The following SNTA1 variants were observed in gnomAD, a reference collection of about 807,000 sequenced individuals.
The protein encoded by SNTA1 is syntrophin alpha 1.
Under a neutral mutation model 47.1 loss-of-function variants are expected in SNTA1, and 31 were observed. The observed-to-expected ratio is 0.66, with a 90% CI of 0.49 to 0.89. The LOEUF (loss-of-function observed/expected upper bound fraction) is 0.89, where lower values mean the gene tolerates loss of function less well. SNTA1 is among the 40% of genes least tolerant of loss of function. SNTA1 has a pLI of 0.00. For missense variants in SNTA1, 575 were observed against 693.0 expected, an observed-to-expected ratio of 0.83 and a Z score of 1.91; for synonymous variants, 300 against 313.6, an observed-to-expected ratio of 0.96 and a Z score of 0.46.
chr20:33,408,576 G>C lies in SNTA1; in HGVS notation c.1449C>G (p.Pro483=). 6.2e-7 allele frequency: 1 copy of C among 1,614,122 alleles called. No homozygotes were observed. Among genetic ancestry groups the C allele is most frequent in the Non-Finnish European group, 8.5e-7 (1 of 1,179,988 alleles). The change falls in exon 8 of 8, where the codon CCC becomes CCG. Residue 483 remains proline (P), a synonymous_variant. Transcript: ENST00000217381. ...GEIQLDLHSC[P]KTIVFIIHSF... Reference sequence around the variant, plus strand: ...AGTGGATGATGAAGACTATGGTTTTGGGACACGAGTGCAGGTCCAGCTGCT... The same window carrying C: ...AGTGGATGATGAAGACTATGGTTTTCGGACACGAGTGCAGGTCCAGCTGCT...
At chr20:33,432,208 A>C (rs764721733) in intron 2 of SNTA1, among the ~76,000 whole-genome samples, 1 of 152,178 alleles carries the variant, frequency 6.6e-6, no homozygotes, top group East Asian at 1.9e-4. Flanking sequence ...AATTAGCTAC[A>C]TCCAGAATGA....
intron 2 of SNTA1, among the ~76,000 whole-genome samples, chr20:33,430,812 G>T (rs1187987388): frequency 6.6e-6 from 1 of 151,832 alleles, no homozygotes; most frequent in Non-Finnish European, 1.5e-5. Flanking sequence ...AGCCAGGTGT[G>T]GTGGCACATG....
rs780688953 is a variant in SNTA1 at position 33,412,789 on chromosome 20, G to T, written c.702-7C>A. The T allele has an allele frequency of 6.3e-7, 1 of 1,594,496 alleles. No individual in the cohort carries two copies. The highest frequency in any genetic ancestry group is 8.6e-7 in the Non-Finnish European group (1 of 1,169,218). On this transcript the variant is annotated splice_polypyrimidine_tract_variant and splice_region_variant and intron_variant, in intron 3 of 7. Transcript: ENST00000217381. ...CGAGCAGATCTCCAGATACCTGCAG[G>T]CACAAATGGGTGGAGACAAGGACCT...
chr20:33,416,938 CAAAAAAAAAAAA>C (rs1161474406), intron 3 of SNTA1, among the ~76,000 whole-genome samples: 9 of 56,040 alleles, frequency 1.6e-4, no homozygotes, highest in Non-Finnish European at 2.9e-4. Flanking sequence ...GAGACTCTGT[CAAAAAAAAAAAA>C]AAAAAAAAAA....
At chr20:33,430,881 G>A (rs1334889048) in intron 2 of SNTA1, among the ~76,000 whole-genome samples, 6 of 151,174 alleles carry the variant, frequency 4.0e-5, no homozygotes, top group South Asian at 2.1e-4. Context: ...CTGGGGAGGC[G>A]CAGATTGCAG....
chr20:33,429,040 C>CA (rs1330998971), intron 2 of SNTA1, among the ~76,000 whole-genome samples: 2 of 150,738 alleles, frequency 1.3e-5, no homozygotes, highest in East Asian at 1.9e-4. Flanking sequence ...GACTCGGTCT[C>CA]AAAAAAAACA....
chr20:33,413,014 TTTG>T (rs1270674238), intron 3 of SNTA1, among the ~76,000 whole-genome samples: 1 of 152,122 alleles, frequency 6.6e-6, no homozygotes, highest in Admixed American at 6.6e-5. Context: ...TTGTGGGGTT[TTTG>T]TTGTTGTTTT....
intron 2 of SNTA1, among the ~76,000 whole-genome samples, chr20:33,428,009 C>G (rs1419576683): frequency 6.6e-6 from 1 of 151,948 alleles, no homozygotes; most frequent in Non-Finnish European, 1.5e-5. Flanking sequence ...ACTCCGGCCT[C>G]GAATTCCTGG....
At chr20:33,425,410 A>G (rs1297095026) in intron 2 of SNTA1, among the ~76,000 whole-genome samples, 2 of 152,214 alleles carry the variant, frequency 1.3e-5, no homozygotes, top group Non-Finnish European at 2.9e-5. Flanking sequence ...CTATAATTCC[A>G]GCACTGTGGG....
chr20:33,433,822 G>T (rs1990369207), intron 2 of SNTA1, among the ~76,000 whole-genome samples: 1 of 152,068 alleles, frequency 6.6e-6, no homozygotes, highest in South Asian at 2.1e-4. Context: ...CTGAGAACAG[G>T]ATCAGGACAT....
intron 2 of SNTA1, among the ~76,000 whole-genome samples, chr20:33,428,078 C>A (rs1395409845): frequency 6.6e-6 from 1 of 152,054 alleles, no homozygotes; most frequent in African/African-American, 2.4e-5. Context: ...ATGTGTAGTC[C>A]TCCAGCCCAA....
intron 2 of SNTA1, among the ~76,000 whole-genome samples, chr20:33,436,605 G>A (rs1273938325): frequency 6.6e-6 from 1 of 152,090 alleles, no homozygotes; most frequent in Non-Finnish European, 1.5e-5. Flanking sequence ...GGAGACTTAG[G>A]TGGGAGGATC....
chr20:33,416,092 A>G (rs1989866657), intron 3 of SNTA1, among the ~76,000 whole-genome samples: 1 of 152,196 alleles, frequency 6.6e-6, no homozygotes. Flanking sequence ...TGGGCAACAG[A>G]GCGATACTCC....
chr20:33,438,025 G>T (rs1209070705), intron 2 of SNTA1, among the ~76,000 whole-genome samples: 1 of 152,236 alleles, frequency 6.6e-6, no homozygotes, highest in Non-Finnish European at 1.5e-5. Flanking sequence ...AGGCCTCTGG[G>T]CGTGGTGGCT....
At chr20:33,430,912 G>A (rs1172310585) in intron 2 of SNTA1, among the ~76,000 whole-genome samples, 1 of 150,716 alleles carries the variant, frequency 6.6e-6, no homozygotes, top group Non-Finnish European at 1.5e-5. Context: ...TCGTGCCACT[G>A]TACTCCAGCC....
At chr20:33,414,127 A>T (rs1989813358) in intron 3 of SNTA1, among the ~76,000 whole-genome samples, 1 of 151,144 alleles carries the variant, frequency 6.6e-6, no homozygotes, top group Admixed American at 6.6e-5. Flanking sequence ...AATCCCAGCT[A>T]CTAGGGAGGC....
Position 33,443,489 on chromosome 20 carries a change from G to A in SNTA1, c.132C>T (p.Pro44=). 1 of 1,377,670 alleles carries A rather than the reference G, an allele frequency of 7.3e-7. No homozygotes were observed. The highest frequency in any genetic ancestry group is 9.4e-7 in the Non-Finnish European group (1 of 1,060,700). 85.3% of individuals were successfully genotyped at this position (1,377,670 alleles called of 1,614,324 possible). ...GCTCGGGACCAGGGTCGCCGTCGGC[G>A]GGGCTCACGGTCAGCACGTCCTCCG... is the stretch of plus-strand genomic sequence containing the variant. The part of the protein sequence containing the change: ...SLAEDVLTVS[P]ADGDPGPEPG... Residue 44 remains proline (P), a synonymous_variant, in exon 1 of 8, where the codon CCC becomes CCT. Transcript: ENST00000217381.
In SNTA1 at chr20:33,443,751, G is replaced by A. The variant is rs1990642616; in HGVS notation, c.-131C>T. On this transcript the variant is annotated 5_prime_UTR_variant, in exon 1 of 8. Transcript: ENST00000217381. ...AGCCGCCACCCTACCCCGGCCGCTG[G>A]GGGAGGAGCTCTGGGGGCGGGGCTA... 6.8e-6 allele frequency: 3 copies of A among 439,128 alleles called. No individual in the cohort carries two copies. Among genetic ancestry groups the A allele is most frequent in the African/African-American group, 4.2e-5 (2 of 47,454 alleles). 27.2% of individuals were successfully genotyped at this position (439,128 alleles called of 1,614,324 possible). A position where few individuals can be genotyped will look rare whatever the true frequency, so the allele number is the denominator to read the frequency against.
In SNTA1 at chr20:33,408,796, C is replaced by G; in HGVS notation, c.1330G>C (p.Val444Leu). ...WAAEPGAARA[V>L]LLRQPFEKLQ... ...TTCTCGAAGGGCTGTCGCAGGAGCA[C>G]AGCTCGGGCTGCACCTGGCTCAGCC... is the stretch of plus-strand genomic sequence containing the variant. The change falls in exon 7 of 8, where the codon GTG becomes CTG. Residue 444 changes from valine (V) to leucine (L), a missense_variant. Physicochemically the swap from Val to Leu is conservative, Grantham distance 32. Coordinates refer to ENST00000217381, the MANE Select transcript of SNTA1 (RefSeq NM_003098.3). The G allele has an allele frequency of 6.2e-7, 1 of 1,614,206 alleles. No homozygotes were observed.
Sources: gnomAD v4.1 joint callset for allele counts (sites outside exome capture counted in the v4.1 genomes callset) on GRCh38, gnomAD v4.1.1 for gene constraint, MANE v1.5 for transcripts, NCBI Gene and HGNC (gene_info 2026-07-23, HGNC 2026-07-21) for gene names.